The following TBC1D4 variants were observed in gnomAD, a reference collection of about 807,000 sequenced individuals.
TBC1D4 encodes TBC (Tre-2, BUB2, CDC16) domain-containing protein.
In TBC1D4, 121 loss-of-function variants were observed where a neutral mutation model predicts 142.5. That is an observed-to-expected ratio of 0.85 (90% CI 0.73 to 0.99). TBC1D4 has a LOEUF of 0.99. Among genes scored for constraint, TBC1D4 ranks in the 50% least tolerant of loss-of-function variants. The pLI is 0.00. For synonymous variants in TBC1D4, 630 were observed against 628.2 expected (o/e 1.00, Z -0.04); for missense variants, 1,475 against 1,606.6 (o/e 0.92, Z 1.40).
At chr13:75,295,037 A>G in intron 17 of TBC1D4, 24 bp from the exon 18 acceptor site, 2 of 1,611,720 alleles carry the variant, frequency 1.2e-6, no homozygotes, top group Non-Finnish European at 1.7e-6. Flanking sequence ...GGAGAAGAAA[A>G]AAAATATTAT....
rs1883631079 is a variant in TBC1D4, at chr13:75,378,254, T to C, written c.499-15647A>G. Among the ~76,000 whole-genome samples, 4 of 152,274 alleles carry C rather than the reference T, an allele frequency of 2.6e-5. No individual in the cohort carries two copies. In the South Asian group the frequency reaches 8.3e-4, roughly 32 times the overall value. Reference sequence around the variant, plus strand: ...AAATTCTTCAAATGCATATTAACTCTATATTAATAGCTAGAAACTTTTGGA... The same window carrying C: ...AAATTCTTCAAATGCATATTAACTCCATATTAATAGCTAGAAACTTTTGGA... On this transcript the variant is annotated intron_variant, in intron 1 of 20. Transcript: ENST00000377636.
In TBC1D4 at chr13:75,362,399, C is replaced by T. The variant is rs767381896; in HGVS notation, c.707G>A (p.Arg236His). 7.4e-6 allele frequency: 12 copies of T among 1,614,212 alleles called. No individual in the cohort carries two copies. The highest frequency in any genetic ancestry group is 3.3e-5 in the South Asian group (3 of 91,078). ...MEKFSLHEQQ[R>H]LKIQGEQRGP... The stretch of plus-strand genomic sequence containing the variant: ...GCGCTGCTCCCCTTGGATCTTCAGG[C>T]GCTGCTGTTCGTGCAGGCTGAACTT... Residue 236 changes from arginine (R) to histidine (H), a missense_variant, in exon 2 of 21, where the codon CGC (arginine) becomes CAC (histidine). Arg to His is a conservative substitution (Grantham distance 29). Around this residue, in one of 2 missense-constraint regions of TBC1D4, gnomAD observed 1,227 missense variants for 1,267.7 expected, o/e 0.97. Coordinates refer to ENST00000377636, the MANE Select transcript of TBC1D4 (RefSeq NM_014832.5). The surrounding 1 kb of genome is among the most constrained non-coding windows in gnomAD (Gnocchi z 4.2).
rs933297040 is a variant in TBC1D4, at chr13:75,284,178, G to T, written c.*2614C>A. On this transcript the variant is annotated 3_prime_UTR_variant, in exon 21 of 21. Coordinates refer to ENST00000377636, the MANE Select transcript of TBC1D4 (RefSeq NM_014832.5). ...CGGTCTTCAACCTTCTTGACACCAG[G>T]GACTGGTTTCATGGAAGACAATCTT... Among the ~76,000 whole-genome samples, 11 of 152,196 alleles carry T rather than the reference G, an allele frequency of 7.2e-5. No individual in the cohort carries two copies. The highest frequency in any genetic ancestry group is 3.4e-3 in the Middle Eastern group (1 of 294).
At chr13:75,293,149 G>A (rs1217276659) in intron 18 of TBC1D4, among the ~76,000 whole-genome samples, 1 of 152,160 alleles carries the variant, frequency 6.6e-6, no homozygotes, top group Non-Finnish European at 1.5e-5. Flanking sequence ...GCAAGACTCA[G>A]TCTTAGAAAA....
chr13:75,334,579 T>TTTTG (rs962717362), intron 8 of TBC1D4, among the ~76,000 whole-genome samples: 16 of 151,892 alleles, frequency 1.1e-4, no homozygotes, highest in African/African-American at 2.2e-4. Context: ...ACAGGTGGTT[T>TTTTG]TTTGTTTGTT....
chr13:75,320,349 CAT>C (rs1878649179), intron 11 of TBC1D4, among the ~76,000 whole-genome samples: 1 of 151,968 alleles, frequency 6.6e-6, no homozygotes, highest in Admixed American at 6.5e-5. Context: ...TGAATTTCAA[CAT>C]AAATAAATTT....
rs146997132 is a variant in TBC1D4 at position 75,317,809 on chromosome 13, C to A, written c.2222+2205G>T. 5.3e-5 allele frequency among the ~76,000 whole-genome samples: 8 copies of A among 152,266 alleles called. No individual in the cohort carries two copies. In the East Asian group the frequency reaches 1.5e-3, roughly 29 times the overall value. On this transcript the variant is annotated intron_variant, in intron 12 of 20. Transcript: ENST00000377636. Reference sequence around the variant, plus strand: ...TATATTGTATATATACTCCCTCTTACCACTCACCAGTTAATTAAGAACCAC... The same window carrying A: ...TATATTGTATATATACTCCCTCTTAACACTCACCAGTTAATTAAGAACCAC...
intron 1 of TBC1D4, among the ~76,000 whole-genome samples, chr13:75,461,677 C>T (rs550557355): frequency 1.8e-3 from 276 of 152,276 alleles, no homozygotes; most frequent in African/African-American, 6.4e-3. Context: ...TTCTTCATTT[C>T]CTACATACAG....
chr13:75,412,914 A>G (rs1746568026), intron 1 of TBC1D4, among the ~76,000 whole-genome samples: 1 of 152,206 alleles, frequency 6.6e-6, no homozygotes, highest in South Asian at 2.1e-4. Flanking sequence ...TCCCTCAACA[A>G]ATGTTTATTC....
At position 75,349,166 on chromosome 13, in the gene TBC1D4, G is replaced by A. The variant is rs752785526; in HGVS notation, c.1408+4C>T. The A allele has an allele frequency of 3.7e-6, 6 of 1,613,996 alleles. No homozygotes were observed. The highest frequency in any genetic ancestry group is 5.1e-6 in the Non-Finnish European group (6 of 1,179,914). Reference sequence around the variant, plus strand: ...TCTTTTGCCAAAGCCACATTAAACTGTACCTTCAATCCTTTCACAGAGCTT... The same window carrying A: ...TCTTTTGCCAAAGCCACATTAAACTATACCTTCAATCCTTTCACAGAGCTT... On this transcript the variant is annotated splice_donor_region_variant and intron_variant, in intron 5 of 20. Coordinates refer to ENST00000377636, the MANE Select transcript of TBC1D4 (RefSeq NM_014832.5).
At chr13:75,366,682 CAA>C (rs11286033) in intron 1 of TBC1D4, among the ~76,000 whole-genome samples, 173 of 148,336 alleles carry the variant, frequency 1.2e-3, no homozygotes, top group South Asian at 1.5e-3. Flanking sequence ...TCACTCTAGA[CAA>C]AAAAAAAAAA....
In TBC1D4 at chr13:75,285,001, C is replaced by T. The variant is rs906664822; in HGVS notation, c.*1791G>A. On this transcript the variant is annotated 3_prime_UTR_variant, in exon 21 of 21. Transcript: ENST00000377636. Reference sequence around the variant, plus strand: ...CATAAAGTAATTGTCATCAACAGACCGTAAAAAGAAAAAACCCCTCCTACA... The same window carrying T: ...CATAAAGTAATTGTCATCAACAGACTGTAAAAAGAAAAAACCCCTCCTACA... The T allele has an allele frequency of 6.6e-6, 1 of 151,996 alleles. No individual in the cohort carries two copies. The highest frequency in any genetic ancestry group is 6.6e-5 in the Admixed American group (1 of 15,262). 9.4% of individuals were successfully genotyped at this position (151,996 alleles called of 1,614,324 possible).
At chr13:75,408,172 T>G (rs768321931) in intron 1 of TBC1D4, among the ~76,000 whole-genome samples, 1 of 152,192 alleles carries the variant, frequency 6.6e-6, no homozygotes, top group African/African-American at 2.4e-5. Flanking sequence ...TAGATTTAAC[T>G]ATTCTGGACA....
chr13:75,448,865 C>T (rs2138230339), intron 1 of TBC1D4, among the ~76,000 whole-genome samples: 1 of 152,020 alleles, frequency 6.6e-6, no homozygotes, highest in Non-Finnish European at 1.5e-5. Flanking sequence ...TAAACTTTAG[C>T]AACTGCTTCT....
At chr13:75,474,355 C>T (rs1172659689) in intron 1 of TBC1D4, among the ~76,000 whole-genome samples, 1 of 152,184 alleles carries the variant, frequency 6.6e-6, no homozygotes, top group Admixed American at 6.5e-5. Context: ...GTCAGGAAAT[C>T]GAGACCATCC....
At chr13:75,421,182 G>C (rs898722394) in intron 1 of TBC1D4, among the ~76,000 whole-genome samples, 1 of 152,168 alleles carries the variant, frequency 6.6e-6, no homozygotes, top group African/African-American at 2.4e-5. Context: ...AGGTATCTGA[G>C]GTACTTCTCA....
At chr13:75,341,053 A>T in intron 7 of TBC1D4, 72 bp downstream of exon 7, 1 of 1,338,180 alleles carries the variant, frequency 7.5e-7, no homozygotes, top group Non-Finnish European at 1.1e-6. Flanking sequence ...AGAACCTGAG[A>T]GTACAAAGGG....
intron 2 of TBC1D4, 93 bp downstream of exon 2, chr13:75,361,933 T>G: frequency 7.2e-7 from 1 of 1,397,838 alleles, no homozygotes; most frequent in Non-Finnish European, 1.0e-6. Flanking sequence ...GATTATTCGT[T>G]ATATAGAGGT....
rs1875387533 is a variant in TBC1D4, at chr13:75,292,253, C to G, written c.3335G>C (p.Gly1112Ala). Residue 1112 changes from glycine to alanine, a missense_variant, in exon 19 of 21, where the codon GGA becomes GCA. Gly to Ala is a moderately conservative substitution (Grantham distance 60). This residue lies in a region of TBC1D4 where 248 missense variants were observed against 338.9 expected (regional missense o/e 0.73). Coordinates refer to ENST00000377636, the MANE Select transcript of TBC1D4 (RefSeq NM_014832.5). ...ARVFDIIFLQ[G>A]TEVIFKVALS... ...TGCAACCTTGAATATAACTTCAGTT[C>G]CCTGAAGAAAAATAATATCTAAAAG... 3 of 1,612,116 alleles carry G rather than the reference C, an allele frequency of 1.9e-6. No individual in the cohort carries two copies. The highest frequency in any genetic ancestry group is 2.5e-6 in the Non-Finnish European group (3 of 1,179,140).
Sources: gnomAD v4.1 joint callset for allele counts (sites outside exome capture counted in the v4.1 genomes callset) on GRCh38, gnomAD v4.1.1 for gene constraint, gnomAD v4.1.1 regional missense constraint, Gnocchi (gnomAD v3.1) non-coding constraint, MANE v1.5 for transcripts, NCBI Gene and HGNC (gene_info 2026-07-23, HGNC 2026-07-21) for gene names.